Variants in SKI observed in about 807,000 individuals in gnomAD.
SKI encodes the protein SKI proto-oncogene.
SKI carries 23 observed loss-of-function variants against 59.3 expected under a neutral mutation model. That is an observed-to-expected ratio of 0.39 (90% confidence interval 0.28 to 0.55). SKI has a LOEUF of 0.55. SKI is among the 20% of genes least tolerant of loss of function. The pLI, the probability that SKI is intolerant of heterozygous loss-of-function variation, is 0.67. For synonymous variants in SKI, 673 were observed against 488.6 expected, an observed-to-expected ratio of 1.38 and a Z score of -4.98; for missense variants, 1,017 against 1,038.9, an observed-to-expected ratio of 0.98 and a Z score of 0.29.
chr1:2,247,786 C>CA (rs916345453), intron 1 of SKI, among the ~76,000 whole-genome samples: 1 of 152,264 alleles, frequency 6.6e-6, no homozygotes, highest in African/African-American at 2.4e-5. Context: ...CCTTGGGGAG[C>CA]ACACAGCTGC....
At chr1:2,289,700 T>G (rs912926747) in intron 1 of SKI, among the ~76,000 whole-genome samples, 2 of 151,954 alleles carry the variant, frequency 1.3e-5, no homozygotes, top group Admixed American at 1.3e-4. Context: ...ACCGTGTGCT[T>G]CTTGTCCAGC....
chr1:2,257,121 ATATC>A (rs1298021885), intron 1 of SKI, among the ~76,000 whole-genome samples: 1 of 152,028 alleles, frequency 6.6e-6, no homozygotes, highest in African/African-American at 2.4e-5. Context: ...CGTTTCTAAG[ATATC>A]TATCTCTTTG....
chr1:2,304,153 C>T lies in SKI; in HGVS notation c.1474+51C>T, dbSNP rs373774730. The T allele has an allele frequency of 7.8e-4, 1,256 of 1,605,636 alleles. 1 individual carries two copies. Among genetic ancestry groups the T allele is most frequent in the Non-Finnish European group, 1.0e-3 (1,189 of 1,176,578 alleles). ...TCCTCCCTGTGGGCTGTGGGGGTGG[C>T]ACTGGCTGAGGGGGGCTGGTCGCCG... is the stretch of plus-strand genomic sequence containing the variant. On this transcript the variant is annotated intron_variant, in intron 4 of 6. Coordinates refer to ENST00000378536, the MANE Select transcript of SKI (RefSeq NM_003036.4).
chr1:2,247,494 C>T (rs1639025067), intron 1 of SKI, among the ~76,000 whole-genome samples: 1 of 152,240 alleles, frequency 6.6e-6, no homozygotes, highest in African/African-American at 2.4e-5. Flanking sequence ...TACTTGCCAC[C>T]TCACAGAAGC....
intron 5 of SKI, 95 bp downstream of exon 5, chr1:2,304,680 C>CT: frequency 4.1e-6 from 6 of 1,456,966 alleles, no homozygotes; most frequent in Non-Finnish European, 5.4e-6. Context: ...TCCTCCCTTC[C>CT]TGGCTGCCCC....
intron 1 of SKI, among the ~76,000 whole-genome samples, chr1:2,251,211 G>A (rs16824937): frequency 0.067 from 10,252 of 152,190 alleles, 409 homozygotes; most frequent in Middle Eastern, 0.15. Flanking sequence ...CTTACTGTCC[G>A]TTCTAGTCAC....
intron 1 of SKI, among the ~76,000 whole-genome samples, chr1:2,235,532 C>T (rs1038307937): frequency 2.0e-5 from 3 of 152,354 alleles, no homozygotes; most frequent in Admixed American, 2.0e-4. Flanking sequence ...CTCTTAGGTG[C>T]TGCTGCTTTG....
rs542349822 is a variant in SKI at position 2,267,728 on chromosome 1, A to G, written c.970-35250A>G. 5.9e-5 allele frequency among the ~76,000 whole-genome samples: 9 copies of G among 152,282 alleles called. No homozygotes were observed. The highest frequency in any genetic ancestry group is 1.0e-4 in the Non-Finnish European group (7 of 68,020). ...TTGGGCTTCAGGAAACGCAGCTGGG[A>G]CATCCTGAGGTGTGTGAGGCTGATG... On this transcript the variant is annotated intron_variant, in intron 1 of 6. Coordinates refer to ENST00000378536, the MANE Select transcript of SKI (RefSeq NM_003036.4). The surrounding 1 kb of genome is among the most constrained non-coding windows in gnomAD (Gnocchi z 4.1).
At chr1:2,230,362 C>G (rs1638607670) in intron 1 of SKI, among the ~76,000 whole-genome samples, 2 of 152,142 alleles carry the variant, frequency 1.3e-5, no homozygotes, top group Admixed American at 1.3e-4. Flanking sequence ...CTTGGCGGCT[C>G]CAGCACTGTG....
intron 1 of SKI, among the ~76,000 whole-genome samples, chr1:2,275,993 GGGCA>G: frequency 1.3e-5 from 2 of 152,168 alleles, no homozygotes; most frequent in Non-Finnish European, 2.9e-5. Context: ...GCTGGTCCTG[GGGCA>G]GGCAGCCTCT....
intron 1 of SKI, among the ~76,000 whole-genome samples, chr1:2,236,906 A>G (rs919992170): frequency 1.3e-5 from 2 of 152,154 alleles, no homozygotes; most frequent in Admixed American, 6.5e-5. Flanking sequence ...CTGACTTAGA[A>G]AGAAACAGCT....
intron 1 of SKI, among the ~76,000 whole-genome samples, chr1:2,271,160 A>G (rs1639608457): frequency 6.6e-6 from 1 of 152,034 alleles, no homozygotes; most frequent in Non-Finnish European, 1.5e-5. Context: ...TGGCGACCCC[A>G]GGGTCCCGGG....
intron 1 of SKI, among the ~76,000 whole-genome samples, chr1:2,278,683 C>T (rs935131226): frequency 2.6e-5 from 4 of 151,804 alleles, no homozygotes; most frequent in African/African-American, 9.7e-5. Flanking sequence ...GTCACTGATG[C>T]CACTCAGGTG....
At chr1:2,298,643 A>G (rs1640348102) in intron 1 of SKI, among the ~76,000 whole-genome samples, 1 of 152,216 alleles carries the variant, frequency 6.6e-6, no homozygotes, top group African/African-American at 2.4e-5. Flanking sequence ...CTGAAAACTC[A>G]CAGGCAGGCC....
chr1:2,262,712 G>A (rs1002690385), intron 1 of SKI, among the ~76,000 whole-genome samples: 1 of 152,098 alleles, frequency 6.6e-6, no homozygotes, highest in Non-Finnish European at 1.5e-5. Context: ...AGGATATTGG[G>A]TTTTGTCAGG....
chr1:2,232,947 G>A (rs749864849), intron 1 of SKI, among the ~76,000 whole-genome samples: 1 of 152,160 alleles, frequency 6.6e-6, no homozygotes, highest in Non-Finnish European at 1.5e-5. Flanking sequence ...TTTCCGGTCG[G>A]CTCGCCTCCT....
At chr1:2,275,376 A>G (rs1387764252) in intron 1 of SKI, among the ~76,000 whole-genome samples, 1 of 152,174 alleles carries the variant, frequency 6.6e-6, no homozygotes. Flanking sequence ...GGGCTGCCCC[A>G]GCCTCTGGGG....
In SKI at chr1:2,303,684, G is replaced by C. The variant is rs532648443; in HGVS notation, c.1212-156G>C. 9.4e-7 allele frequency: 1 copy of C among 1,066,750 alleles called. No homozygotes were observed. Among genetic ancestry groups the C allele is most frequent in the South Asian group, 1.5e-5 (1 of 68,854 alleles). 66.1% of individuals were successfully genotyped at this position (1,066,750 alleles called of 1,614,324 possible). A position where few individuals can be genotyped will look rare whatever the true frequency, so the allele number is the denominator to read the frequency against. ...GCAAGAGACCCAGCAAGCAGAAAAC[G>C]CTTACGGGTTCTTAGGGAACTGTAA... On this transcript the variant is annotated intron_variant, in intron 3 of 6. Transcript: ENST00000378536. The surrounding 1 kb of genome is among the most constrained non-coding windows in gnomAD (Gnocchi z 5.6).
At chr1:2,246,072 A>C (rs929172074) in intron 1 of SKI, among the ~76,000 whole-genome samples, 8 of 152,214 alleles carry the variant, frequency 5.3e-5, no homozygotes, top group Non-Finnish European at 1.0e-4. Context: ...CTGGGATTAC[A>C]GGCGTGAGCC....
Sources: allele counts gnomAD v4.1 joint callset (sites outside exome capture counted in the v4.1 genomes callset), GRCh38; gene constraint gnomAD v4.1.1; non-coding constraint Gnocchi (gnomAD v3.1); transcripts MANE v1.5; gene names NCBI Gene and HGNC (gene_info 2026-07-23, HGNC 2026-07-21).